The following ETFA variants were observed in gnomAD, a reference collection of about 807,000 sequenced individuals.
ETFA encodes the protein electron transfer flavoprotein subunit alpha, mitochondrial.
A neutral mutation model predicts 46.2 loss-of-function variants in ETFA; 22 were observed. That is an observed-to-expected ratio of 0.48 (90% CI 0.34 to 0.68). The LOEUF (loss-of-function observed/expected upper bound fraction) is 0.68, where lower values mean the gene tolerates loss of function less well. ETFA is among the 30% of genes least tolerant of loss of function. ETFA has a pLI of 0.01. For synonymous variants in ETFA, 131 were observed against 139.9 expected, an observed-to-expected ratio of 0.94 and a Z score of 0.45; for missense variants, 345 against 401.1, an observed-to-expected ratio of 0.86 and a Z score of 1.19.
At chr15:76,255,161 T>G (rs2039336344) in intron 9 of ETFA, among the ~76,000 whole-genome samples, 1 of 152,198 alleles carries the variant, frequency 6.6e-6, no homozygotes, top group Non-Finnish European at 1.5e-5. Context: ...AAGAGAAATA[T>G]ACTCTAAAAA....
At chr15:76,284,305 A>G (rs1391503693) in intron 7 of ETFA, 1 of 161,644 alleles carries the variant, frequency 6.2e-6, no homozygotes, top group Non-Finnish European at 1.3e-5. Context: ...GATAACCAAT[A>G]TACATTTCTT....
intron 11 of ETFA, among the ~76,000 whole-genome samples, chr15:76,223,577 T>C (rs1177371284): frequency 6.6e-6 from 1 of 152,214 alleles, no homozygotes; most frequent in Non-Finnish European, 1.5e-5. Context: ...AACACAATTC[T>C]AGCTAAAAGA....
At chr15:76,260,124 C>T (rs1418419894) in intron 9 of ETFA, 3 of 1,484,656 alleles carry the variant, frequency 2.0e-6, no homozygotes, top group African/African-American at 2.8e-5. Context: ...CTGAACCAAA[C>T]TCTCCTTTGC....
chr15:76,287,758 G>A (rs1567216355), intron 5 of ETFA, 88 bp downstream of exon 5: 2 of 1,009,982 alleles, frequency 2.0e-6, no homozygotes, highest in Non-Finnish European at 3.0e-6. Context: ...CAATTGTATG[G>A]TTTGATTTAA....
intron 11 of ETFA, among the ~76,000 whole-genome samples, chr15:76,221,981 G>A (rs1211327471): frequency 2.0e-5 from 3 of 152,138 alleles, no homozygotes; most frequent in Non-Finnish European, 4.4e-5. Context: ...TCTAACAGCT[G>A]TATATACATG....
chr15:76,257,427 T>C (rs888217231), intron 9 of ETFA, among the ~76,000 whole-genome samples: 11 of 152,322 alleles, frequency 7.2e-5, no homozygotes, highest in Admixed American at 1.3e-4. Context: ...ATGCTCATCA[T>C]CACTGGCCAT....
chr15:76,243,314 A>C (rs1347154621), intron 9 of ETFA, among the ~76,000 whole-genome samples: 1 of 152,048 alleles, frequency 6.6e-6, no homozygotes, highest in Non-Finnish European at 1.5e-5. Flanking sequence ...TTAAAACGGC[A>C]AATTTTATAT....
chr15:76,281,894 A>G (rs1250117050), intron 8 of ETFA, among the ~76,000 whole-genome samples: 1 of 106,090 alleles, frequency 9.4e-6, no homozygotes, highest in East Asian at 2.9e-4. Flanking sequence ...CATTACACGT[A>G]TCCTTTTTTT....
chr15:76,305,525 G>T (rs1414564343), intron 1 of ETFA, among the ~76,000 whole-genome samples: 1 of 152,188 alleles, frequency 6.6e-6, no homozygotes, highest in Admixed American at 6.5e-5. Context: ...ACTCTGTTTA[G>T]ACTTGGTTGC....
At chr15:76,255,302 AAAACT>A (rs1567204860) in intron 9 of ETFA, among the ~76,000 whole-genome samples, 1 of 152,254 alleles carries the variant, frequency 6.6e-6, no homozygotes, top group East Asian at 1.9e-4. Context: ...GAGTTGAGAG[AAAACT>A]AAACTGGATT....
intron 9 of ETFA, chr15:76,261,556 C>T: frequency 1.7e-6 from 1 of 597,406 alleles, no homozygotes; most frequent in Non-Finnish European, 3.0e-6. Context: ...TGCCGGGACT[C>T]CCACGAGCTT....
chr15:76,216,411 A>G lies in ETFA; in HGVS notation c.*148T>C. ...AAGGAAACACAGCAATCCCATAAAC[A>G]AGCATTCTGGCATCTGTTAGAAATT... On this transcript the variant is annotated 3_prime_UTR_variant, in exon 12 of 12. Coordinates refer to ENST00000557943, the MANE Select transcript of ETFA (RefSeq NM_000126.4). The G allele has an allele frequency of 3.2e-6, 2 of 616,604 alleles. No individual in the cohort carries two copies. Among genetic ancestry groups the G allele is most frequent in the South Asian group, 4.0e-5 (2 of 50,524 alleles). The allele number at this position is 616,604 out of a possible 1,614,324, so 38.2% of individuals were successfully genotyped here. A position where few individuals can be genotyped will look rare whatever the true frequency, so the allele number is the denominator to read the frequency against.
chr15:76,289,405 C>G (rs2039736289), intron 4 of ETFA, among the ~76,000 whole-genome samples: 1 of 152,146 alleles, frequency 6.6e-6, no homozygotes, highest in African/African-American at 2.4e-5. Flanking sequence ...CAGACTTTGC[C>G]TCTTTTAAAA....
chr15:76,236,667 A>G (rs2039126113), intron 9 of ETFA, among the ~76,000 whole-genome samples: 1 of 152,220 alleles, frequency 6.6e-6, no homozygotes, highest in South Asian at 2.1e-4. Context: ...GAAGATTAGC[A>G]TTAGAGGCAG....
chr15:76,262,471 C>G (rs1250475081), intron 9 of ETFA, among the ~76,000 whole-genome samples: 1 of 133,562 alleles, frequency 7.5e-6, no homozygotes. Flanking sequence ...ATAATCAAAC[C>G]CCCTTTTTTT....
intron 9 of ETFA, among the ~76,000 whole-genome samples, chr15:76,234,881 T>C (rs919914436): frequency 6.6e-6 from 1 of 152,208 alleles, no homozygotes; most frequent in Admixed American, 6.5e-5. Context: ...CCAAAACCTA[T>C]AGACTCATTC....
At chr15:76,254,875 A>C (rs2141486237) in intron 9 of ETFA, among the ~76,000 whole-genome samples, 2 of 152,332 alleles carry the variant, frequency 1.3e-5, no homozygotes, top group Middle Eastern at 6.8e-3. Context: ...TAATTTCTAT[A>C]ATTTCATTAT....
chr15:76,232,955 A>G (rs2039084833), intron 9 of ETFA, among the ~76,000 whole-genome samples: 1 of 152,194 alleles, frequency 6.6e-6, no homozygotes, highest in Admixed American at 6.5e-5. Context: ...CTAGAGCAGC[A>G]CCATGTAACC....
chr15:76,272,455 C>T (rs2039546578), intron 9 of ETFA, among the ~76,000 whole-genome samples: 2 of 152,054 alleles, frequency 1.3e-5, no homozygotes, highest in South Asian at 2.1e-4. Context: ...CTCCTGACCT[C>T]GTGATCCAAC....
Sources: gnomAD v4.1 joint callset for allele counts (sites outside exome capture counted in the v4.1 genomes callset) on GRCh38, gnomAD v4.1.1 for gene constraint, MANE v1.5 for transcripts, NCBI Gene and HGNC (gene_info 2026-07-23, HGNC 2026-07-21) for gene names.